Variants in KIAA0753 observed in about 807,000 individuals in gnomAD.
KIAA0753 encodes the protein protein moonraker.
Under a neutral mutation model 116.9 loss-of-function variants are expected in KIAA0753, and 114 were observed. The ratio of observed to expected loss-of-function variants is 0.98; its 90% confidence interval spans 0.84 to 1.14. KIAA0753 has a LOEUF of 1.14. Ranked by LOEUF, KIAA0753 falls within the 50% of genes most tolerant of loss-of-function variation. KIAA0753 has a pLI of 0.00. For missense variants in KIAA0753, 1,156 were observed against 1,172.4 expected, an observed-to-expected ratio of 0.99 and a Z score of 0.20; for synonymous variants, 405 against 413.1, an observed-to-expected ratio of 0.98 and a Z score of 0.24.
At chr17:6,589,201 A>C (rs760336423) in intron 18 of KIAA0753, among the ~76,000 whole-genome samples, 1 of 152,152 alleles carries the variant, frequency 6.6e-6, no homozygotes, top group Admixed American at 6.5e-5. Context: ...GGTTTAGATG[A>C]GGTCATGAGG....
At chr17:6,629,226 T>C (rs1266883481) in intron 2 of KIAA0753, among the ~76,000 whole-genome samples, 1 of 152,244 alleles carries the variant, frequency 6.6e-6, no homozygotes, top group African/African-American at 2.4e-5. Context: ...TGCCCCTAAG[T>C]GTATCTCACT....
At chr17:6,599,900 T>C (rs1017833973) in intron 13 of KIAA0753, among the ~76,000 whole-genome samples, 2 of 152,120 alleles carry the variant, frequency 1.3e-5, no homozygotes, top group African/African-American at 4.8e-5. Flanking sequence ...GGCTATAGAA[T>C]TGAGCTTACT....
chr17:6,634,895 A>G, intron 2 of KIAA0753, 116 bp downstream of exon 2: 1 of 693,554 alleles, frequency 1.4e-6, no homozygotes, highest in Non-Finnish European at 2.5e-6. Context: ...AACAGAAAAA[A>G]TTGTTAGCAA....
intron 2 of KIAA0753, among the ~76,000 whole-genome samples, chr17:6,629,752 G>C (rs1971905631): frequency 6.6e-6 from 1 of 152,090 alleles, no homozygotes; most frequent in South Asian, 2.1e-4. Flanking sequence ...TATAATTACA[G>C]GCATCAAGAG....
intron 16 of KIAA0753, among the ~76,000 whole-genome samples, chr17:6,594,512 A>G (rs1366955121): frequency 2.0e-5 from 3 of 152,184 alleles, no homozygotes; most frequent in Admixed American, 1.3e-4. Flanking sequence ...TAGACAATCA[A>G]AGCTAACTCA....
At chr17:6,622,581 A>T (rs75624290) in intron 6 of KIAA0753, among the ~76,000 whole-genome samples, 1 of 152,198 alleles carries the variant, frequency 6.6e-6, no homozygotes, top group East Asian at 1.9e-4. Flanking sequence ...ATGCTAATAA[A>T]TTTTTTTCTC....
At chr17:6,624,707 A>G (rs1290834281) in intron 4 of KIAA0753, 48 bp downstream of exon 4, 1 of 1,168,426 alleles carries the variant, frequency 8.6e-7, no homozygotes, top group Non-Finnish European at 1.3e-6. Context: ...TCTCTAAGGA[A>G]GCAGTACACA....
At chr17:6,594,750 G>A (rs1969342636) in intron 16 of KIAA0753, among the ~76,000 whole-genome samples, 1 of 152,110 alleles carries the variant, frequency 6.6e-6, no homozygotes, top group African/African-American at 2.4e-5. Flanking sequence ...GAATATTTAG[G>A]GGTAAAGTGT....
At chr17:6,627,414 T>C (rs1400197671) in intron 3 of KIAA0753, among the ~76,000 whole-genome samples, 1 of 152,244 alleles carries the variant, frequency 6.6e-6, no homozygotes. Flanking sequence ...CTAGACTATG[T>C]ACTACCCTAG....
At chr17:6,584,802 G>A (rs1968446158) in intron 18 of KIAA0753, among the ~76,000 whole-genome samples, 1 of 152,150 alleles carries the variant, frequency 6.6e-6, no homozygotes, top group South Asian at 2.1e-4. Context: ...AGTAGCATGT[G>A]AACTAAATTT....
chr17:6,594,484 T>C (rs115861761), intron 16 of KIAA0753, among the ~76,000 whole-genome samples: 3,130 of 152,326 alleles, frequency 0.021, 102 homozygotes, highest in African/African-American at 0.07. Flanking sequence ...ACCGTATGAC[T>C]GCATTTATAT....
intron 16 of KIAA0753, among the ~76,000 whole-genome samples, chr17:6,592,667 T>C (rs1367621346): frequency 6.6e-6 from 1 of 151,918 alleles, no homozygotes; most frequent in African/African-American, 2.4e-5. Context: ...CAAACTTTTA[T>C]GCAAGATGGA....
At chr17:6,586,962 T>C (rs914423657) in intron 18 of KIAA0753, among the ~76,000 whole-genome samples, 1 of 152,174 alleles carries the variant, frequency 6.6e-6, no homozygotes, top group Non-Finnish European at 1.5e-5. Context: ...AAAGAAGAGA[T>C]AGTGGCTCAT....
At chr17:6,618,581 A>C (rs1416484537) in intron 7 of KIAA0753, among the ~76,000 whole-genome samples, 1 of 152,216 alleles carries the variant, frequency 6.6e-6, no homozygotes, top group African/African-American at 2.4e-5. Flanking sequence ...GGTGTGGCAA[A>C]AACCCACACA....
chr17:6,624,536 C>CCCCACACA (rs71383417), intron 4 of KIAA0753, among the ~76,000 whole-genome samples: 1 of 143,910 alleles, frequency 6.9e-6, no homozygotes, highest in Non-Finnish European at 1.5e-5. Flanking sequence ...GAGTTTGGCG[C>CCCCACACA]CACACACACA....
At chr17:6,621,358 C>T (rs775545092) in intron 6 of KIAA0753, among the ~76,000 whole-genome samples, 3 of 152,182 alleles carry the variant, frequency 2.0e-5, no homozygotes, top group Non-Finnish European at 4.4e-5. Context: ...ATCTCATAAA[C>T]TCAGTCTTTT....
intron 7 of KIAA0753, 68 bp downstream of exon 7, chr17:6,620,716 TGCAG>T: frequency 1.4e-6 from 2 of 1,445,988 alleles, no homozygotes; most frequent in Admixed American, 3.4e-5. Context: ...TTCCCCTCAG[TGCAG>T]TAACTGTTAT....
At chr17:6,609,938 T>C (rs1970420705) in intron 9 of KIAA0753, 56 bp downstream of exon 9, 1 of 1,582,380 alleles carries the variant, frequency 6.3e-7, no homozygotes, top group Non-Finnish European at 8.7e-7. Flanking sequence ...TCACCTTTGA[T>C]ATATGGAGGA....
At chr17:6,617,196 C>T (rs1040517327) in intron 7 of KIAA0753, among the ~76,000 whole-genome samples, 2 of 152,212 alleles carry the variant, frequency 1.3e-5, no homozygotes, top group Non-Finnish European at 2.9e-5. Flanking sequence ...TTCAATTACA[C>T]TTCTTCACAG....
Sources: allele counts gnomAD v4.1 joint callset (sites outside exome capture counted in the v4.1 genomes callset), GRCh38; gene constraint gnomAD v4.1.1; transcripts MANE v1.5; gene names NCBI Gene and HGNC (gene_info 2026-07-23, HGNC 2026-07-21).